ATP6V1C2: variants seen among roughly 807,000 people sequenced by gnomAD.
ATP6V1C2 encodes the protein V-type proton ATPase subunit C 2.
In ATP6V1C2, 45 loss-of-function variants were observed where a neutral mutation model predicts 56.8. The observed-to-expected ratio is 0.79, with a 90% CI of 0.62 to 1.02. The LOEUF (loss-of-function observed/expected upper bound fraction) is 1.02. Ranked by LOEUF, ATP6V1C2 falls within the 50% of genes least tolerant of loss-of-function variation. The pLI is 0.00. For missense variants in ATP6V1C2, 463 were observed against 519.7 expected, an observed-to-expected ratio of 0.89 and a Z score of 1.06; for synonymous variants, 220 against 201.3, an observed-to-expected ratio of 1.09 and a Z score of -0.79.
chr2:10,751,973 C>T (rs956485807), intron 3 of ATP6V1C2, among the ~76,000 whole-genome samples: 2 of 151,834 alleles, frequency 1.3e-5, no homozygotes, highest in Admixed American at 1.3e-4. Context: ...GGTGGAGGAT[C>T]ACCTGAGTCT....
At chr2:10,756,166 A>G (rs12473683) in intron 4 of ATP6V1C2, among the ~76,000 whole-genome samples, 28,328 of 152,016 alleles carry the variant, frequency 0.19, 3,010 homozygotes, top group East Asian at 0.37. Flanking sequence ...AAACCAGCCC[A>G]GCCAACATGG....
intron 3 of ATP6V1C2, among the ~76,000 whole-genome samples, chr2:10,749,461 T>C (rs1327197646): frequency 6.6e-6 from 1 of 152,188 alleles, no homozygotes; most frequent in Admixed American, 6.6e-5. Context: ...GCCTCACTGA[T>C]GATCAAAGAA....
intron 3 of ATP6V1C2, among the ~76,000 whole-genome samples, chr2:10,740,259 C>A (rs1662477082): frequency 6.6e-6 from 1 of 152,100 alleles, no homozygotes; most frequent in Non-Finnish European, 1.5e-5. Flanking sequence ...GTGTACCTGG[C>A]AGGATGATGT....
intron 3 of ATP6V1C2, among the ~76,000 whole-genome samples, chr2:10,751,591 T>C (rs1663216691): frequency 6.6e-6 from 1 of 152,158 alleles, no homozygotes; most frequent in Non-Finnish European, 1.5e-5. Flanking sequence ...AAGATAGCAG[T>C]GTGGCCTGGT....
intron 3 of ATP6V1C2, among the ~76,000 whole-genome samples, chr2:10,732,002 A>T (rs1034196662): frequency 7.2e-5 from 11 of 152,030 alleles, no homozygotes; most frequent in Non-Finnish European, 1.3e-4. Flanking sequence ...AAAAAAAAAA[A>T]GTGTGAATAG....
chr2:10,735,398 G>T (rs1051962982), intron 3 of ATP6V1C2, among the ~76,000 whole-genome samples: 14 of 152,108 alleles, frequency 9.2e-5, no homozygotes, highest in Non-Finnish European at 2.9e-5. Context: ...TTGAACTCCT[G>T]ACCTCATGTG....
intron 3 of ATP6V1C2, 72 bp downstream of exon 3, chr2:10,726,641 T>C: frequency 1.4e-6 from 2 of 1,413,706 alleles, no homozygotes; most frequent in South Asian, 1.2e-5. Flanking sequence ...GTGTTCTTGC[T>C]TTGGCTGAAC....
At chr2:10,734,372 G>A (rs1488904436) in intron 3 of ATP6V1C2, among the ~76,000 whole-genome samples, 1 of 152,096 alleles carries the variant, frequency 6.6e-6, no homozygotes, top group Non-Finnish European at 1.5e-5. Flanking sequence ...CTCTTTCATG[G>A]CACTTGCCAC....
rs1287431624 is a variant in ATP6V1C2 at position 10,780,156 on chromosome 2, C to T, written c.1061+1487C>T. Among the ~76,000 whole-genome samples the T allele has an allele frequency of 6.6e-6, 1 of 152,156 alleles. No homozygotes were observed. Among genetic ancestry groups the T allele is most frequent in the Non-Finnish European group, 1.5e-5 (1 of 68,018 alleles). ...TTTCCAGGTCCTGCCATCTGCCTGC[C>T]GTAGGCTTTACCTGGGTATCTGTCT... On this transcript the variant is annotated intron_variant, in intron 12 of 13. Transcript: ENST00000272238. The surrounding 1 kb of genome is among the most constrained non-coding windows in gnomAD (Gnocchi z 4.1).
intron 3 of ATP6V1C2, among the ~76,000 whole-genome samples, chr2:10,749,535 A>G (rs1038974906): frequency 6.6e-6 from 1 of 152,158 alleles, no homozygotes; most frequent in Non-Finnish European, 1.5e-5. Flanking sequence ...GATTAAAAAG[A>G]TTCATAATAC....
rs767214557 is a variant in ATP6V1C2, at chr2:10,775,062, G to T, written c.816G>T (p.Lys272Asn). The change falls in exon 10 of 14, where the codon AAG becomes AAT. Residue 272 changes from lysine (K) to asparagine (N), a missense_variant. By Grantham distance (94) the Lys-to-Asn change is moderately conservative. Coordinates refer to ENST00000272238, the MANE Select transcript of ATP6V1C2 (RefSeq NM_001039362.2). ...TGGCCAGATTGCTGTCTGATAAGAA[G>T]CAACAGTATGTGAGTATGTGATTGA... The part of the protein sequence containing the change: ...EEMARLLSDK[K>N]QQYQTSCVAL... 1.9e-6 allele frequency: 3 copies of T among 1,613,492 alleles called. No individual in the cohort carries two copies. In the South Asian group the frequency reaches 3.3e-5, roughly 18 times the overall value.
intron 5 of ATP6V1C2, among the ~76,000 whole-genome samples, chr2:10,765,159 A>G (rs1372989822): frequency 6.6e-6 from 1 of 152,160 alleles, no homozygotes; most frequent in African/African-American, 2.4e-5. Flanking sequence ...CACTTGTGAC[A>G]ATGGAGAGGC....
chr2:10,773,294 T>C (rs116105629), intron 8 of ATP6V1C2, among the ~76,000 whole-genome samples: 4,038 of 152,246 alleles, frequency 0.027, 131 homozygotes, highest in African/African-American at 0.08. Flanking sequence ...TGGTAGTGGC[T>C]CAGGATGGAG....
intron 10 of ATP6V1C2, among the ~76,000 whole-genome samples, chr2:10,777,099 G>A (rs1208099454): frequency 6.6e-6 from 1 of 152,254 alleles, no homozygotes. Flanking sequence ...CCTGTTTGCA[G>A]AGACAGAATG....
At chr2:10,753,362 T>C (rs1663328076) in intron 3 of ATP6V1C2, among the ~76,000 whole-genome samples, 1 of 152,142 alleles carries the variant, frequency 6.6e-6, no homozygotes, top group Non-Finnish European at 1.5e-5. Flanking sequence ...GGATATACCA[T>C]CATTTACTTA....
intron 3 of ATP6V1C2, among the ~76,000 whole-genome samples, chr2:10,745,874 T>A (rs1662883352): frequency 6.6e-6 from 1 of 152,234 alleles, no homozygotes; most frequent in African/African-American, 2.4e-5. Context: ...ATATAGTGTT[T>A]GACCTTTTCT....
chr2:10,774,823 C>G lies in ATP6V1C2; in HGVS notation c.674C>G (p.Thr225Ser), dbSNP rs1664853497. ...ITEDKEGGLF[T>S]VTLFRKVIED... is the part of the protein sequence containing the mutation. Reference sequence around the variant, plus strand: ...GAGGACAAGGAAGGGGGCCTTTTCACTGTGACTCTGTTTCGAAAAGTGATT... The same window carrying G: ...GAGGACAAGGAAGGGGGCCTTTTCAGTGTGACTCTGTTTCGAAAAGTGATT... The change falls in exon 9 of 14, where the codon ACT (threonine) becomes AGT (serine). Residue 225 changes from threonine (T) to serine (S), a missense_variant. Transcript: ENST00000272238. The G allele has an allele frequency of 2.5e-6, 4 of 1,614,220 alleles. No individual in the cohort carries two copies. Among genetic ancestry groups the G allele is most frequent in the Non-Finnish European group, 3.4e-6 (4 of 1,180,028 alleles).
Position 10,772,569 on chromosome 2 carries a change from C to T in ATP6V1C2, c.597C>T (p.Thr199=). The T allele has an allele frequency of 1.2e-6, 2 of 1,614,082 alleles. No homozygotes were observed. Among genetic ancestry groups the T allele is most frequent in the African/African-American group, 2.7e-5 (2 of 75,052 alleles). Reference sequence around the variant, plus strand: ...CAAACTACTCACAATGGCAAAAAACCTACGAATCTCTCTCAGACATGGTGG... The same window carrying T: ...CAAACTACTCACAATGGCAAAAAACTTACGAATCTCTCTCAGACATGGTGG... ...PKPNYSQWQK[T]YESLSDMVVP... The change falls in exon 8 of 14, where the codon ACC becomes ACT. Residue 199 remains threonine, a synonymous_variant. Coordinates refer to ENST00000272238, the MANE Select transcript of ATP6V1C2 (RefSeq NM_001039362.2).
intron 3 of ATP6V1C2, among the ~76,000 whole-genome samples, chr2:10,729,779 C>T (rs576585700): frequency 7.0e-4 from 106 of 152,208 alleles, no homozygotes; most frequent in Non-Finnish European, 5.6e-4. Context: ...TGCTTGAGCC[C>T]AGGAGGTCGA....
Sources: allele counts gnomAD v4.1 joint callset (sites outside exome capture counted in the v4.1 genomes callset), GRCh38; gene constraint gnomAD v4.1.1; non-coding constraint Gnocchi (gnomAD v3.1); transcripts MANE v1.5; gene names NCBI Gene and HGNC (gene_info 2026-07-23, HGNC 2026-07-21).